RAB3C: variants seen among roughly 807,000 people sequenced by gnomAD.
RAB3C encodes ras-related protein Rab-3C.
In RAB3C, 17 loss-of-function variants were observed where a neutral mutation model predicts 26.4. That is an observed-to-expected ratio of 0.64 (90% confidence interval 0.44 to 0.97). RAB3C has a LOEUF of 0.97. Ranked by LOEUF, RAB3C falls within the 50% of genes least tolerant of loss-of-function variation. RAB3C has a pLI of 0.00. For synonymous variants in RAB3C, 91 were observed against 95.9 expected (o/e 0.95, Z 0.30); for missense variants, 242 against 281.9 (o/e 0.86, Z 1.01).
intron 3 of RAB3C, among the ~76,000 whole-genome samples, chr5:58,754,038 G>A (rs1354938757): frequency 6.6e-6 from 1 of 152,172 alleles, no homozygotes; most frequent in Admixed American, 6.5e-5. Context: ...GGAAGTCGGA[G>A]ACAGCAATAG....
chr5:58,597,742 TAATACATTATATATA>T (rs1746353898), intron 1 of RAB3C, among the ~76,000 whole-genome samples: 2 of 126,002 alleles, frequency 1.6e-5, no homozygotes, highest in African/African-American at 3.1e-5. Context: ...ATATAACATA[TAATACATTATATATA>T]AGTATATAAC....
intron 2 of RAB3C, among the ~76,000 whole-genome samples, chr5:58,644,655 G>A (rs1579834450): frequency 6.6e-6 from 1 of 152,214 alleles, no homozygotes; most frequent in East Asian, 1.9e-4. Flanking sequence ...CGAGAATCAA[G>A]AAGAAATGTT....
chr5:58,744,544 G>T (rs1482142361), intron 3 of RAB3C, among the ~76,000 whole-genome samples: 1 of 152,150 alleles, frequency 6.6e-6, no homozygotes, highest in South Asian at 2.1e-4. Context: ...AAAAGAAACC[G>T]CAGTGCATAT....
At chr5:58,585,292 A>G (rs1400899137) in intron 1 of RAB3C, among the ~76,000 whole-genome samples, 1 of 152,056 alleles carries the variant, frequency 6.6e-6, no homozygotes, top group Non-Finnish European at 1.5e-5. Context: ...TACTCTGAAT[A>G]TTTTAAAGTA....
At chr5:58,830,403 T>G (rs943300865) in intron 4 of RAB3C, among the ~76,000 whole-genome samples, 10 of 152,122 alleles carry the variant, frequency 6.6e-5, no homozygotes, top group Non-Finnish European at 1.2e-4. Flanking sequence ...CTGTGGGATA[T>G]TTCTGTGTCA....
At chr5:58,769,087 C>T (rs1017584733) in intron 3 of RAB3C, among the ~76,000 whole-genome samples, 19 of 151,362 alleles carry the variant, frequency 1.3e-4, no homozygotes, top group African/African-American at 4.4e-4. Flanking sequence ...ACAGGGGAGA[C>T]CAAGAAGAAC....
intron 2 of RAB3C, among the ~76,000 whole-genome samples, chr5:58,618,680 G>C (rs1200347675): frequency 6.6e-6 from 1 of 152,100 alleles, no homozygotes; most frequent in Admixed American, 6.6e-5. Flanking sequence ...TAAAAAAATT[G>C]TTACACCAAA....
chr5:58,833,418 C>T (rs901956447), intron 4 of RAB3C, among the ~76,000 whole-genome samples: 4 of 151,680 alleles, frequency 2.6e-5, no homozygotes, highest in Non-Finnish European at 4.4e-5. Flanking sequence ...GTTTTTAGCT[C>T]CTTAGGTGAT....
intron 2 of RAB3C, among the ~76,000 whole-genome samples, chr5:58,681,722 G>A (rs1323073367): frequency 1.3e-5 from 2 of 152,122 alleles, no homozygotes; most frequent in Admixed American, 6.5e-5. Flanking sequence ...GCCATAGCAT[G>A]GGACCTATAA....
At chr5:58,720,808 G>T (rs946342675) in intron 2 of RAB3C, among the ~76,000 whole-genome samples, 2 of 151,692 alleles carry the variant, frequency 1.3e-5, no homozygotes, top group Non-Finnish European at 2.9e-5. Context: ...TTTGATCGTG[G>T]TTATATTATT....
At chr5:58,687,632 T>C (rs751554690) in intron 2 of RAB3C, among the ~76,000 whole-genome samples, 8 of 152,066 alleles carry the variant, frequency 5.3e-5, no homozygotes, top group Non-Finnish European at 7.4e-5. Flanking sequence ...GTGGCATCAA[T>C]TGAGATACAA....
Position 58,617,803 on chromosome 5 carries a change from C to T in RAB3C, c.185C>T (p.Thr62Ile). 1 of 1,613,504 alleles carries T rather than the reference C, an allele frequency of 6.2e-7. No individual in the cohort carries two copies. Among genetic ancestry groups the T allele is most frequent in the Non-Finnish European group, 8.5e-7 (1 of 1,179,644 alleles). Residue 62 changes from threonine to isoleucine, a missense_variant, in exon 2 of 5, where the codon ACA becomes ATA. By Grantham distance (89) the Thr-to-Ile change is moderately conservative (BLOSUM62 -1). Coordinates refer to ENST00000282878, the MANE Select transcript of RAB3C (RefSeq NM_138453.4). Reference sequence around the variant, plus strand: ...TCCTTTACATCTGCATTCGTCAGCACAGTTGGGATCGATTTCAAAGTAAAA... The same window carrying T: ...TCCTTTACATCTGCATTCGTCAGCATAGTTGGGATCGATTTCAAAGTAAAA... ...DDSFTSAFVS[T>I]VGIDFKVKTV...
At chr5:58,735,339 A>AGCAT (rs2111936054) in intron 3 of RAB3C, among the ~76,000 whole-genome samples, 1 of 152,330 alleles carries the variant, frequency 6.6e-6, no homozygotes, top group African/African-American at 2.4e-5. Flanking sequence ...TATCCATGAA[A>AGCAT]GCATCATGGG....
At position 58,855,408 on chromosome 5, in the gene RAB3C, A is replaced by T. The variant is rs987988900; in HGVS notation, c.*4057A>T. 6.6e-6 allele frequency: 1 copy of T among 152,344 alleles called. No individual in the cohort carries two copies. Among genetic ancestry groups the T allele is most frequent in the Admixed American group, 6.5e-5 (1 of 15,308 alleles). The allele number at this position is 152,344 out of a possible 1,614,324, so 9.4% of individuals were successfully genotyped here. ...CAGAGCTGGCCTGTCCGTCTGAAGA[A>T]CCCTTTCTCTCACAATTACAGTTTG... On this transcript the variant is annotated 3_prime_UTR_variant, in exon 5 of 5. Transcript: ENST00000282878.
At chr5:58,677,680 T>C (rs767681066) in intron 2 of RAB3C, among the ~76,000 whole-genome samples, 16 of 152,222 alleles carry the variant, frequency 1.1e-4, no homozygotes, top group Non-Finnish European at 2.1e-4. Context: ...GGTAACTGAA[T>C]TGTTAAGTTT....
chr5:58,819,099 C>T lies in RAB3C; in HGVS notation c.372-5939C>T, dbSNP rs138540608. Among the ~76,000 whole-genome samples the T allele has an allele frequency of 2.5e-3, 387 of 152,316 alleles. 3 individuals are homozygous for T. The highest frequency in any genetic ancestry group is 8.4e-3 in the African/African-American group (348 of 41,566). On this transcript the variant is annotated intron_variant, in intron 3 of 4. Coordinates refer to ENST00000282878, the MANE Select transcript of RAB3C (RefSeq NM_138453.4). ...TGGATTTGGGAAGAGGAGCAGCTGG[C>T]TGCCCAAGAGGAGACTAATAATGTG...
intron 2 of RAB3C, among the ~76,000 whole-genome samples, chr5:58,697,794 C>T (rs926347375): frequency 6.6e-6 from 1 of 152,044 alleles, no homozygotes; most frequent in African/African-American, 2.4e-5. Context: ...TCCTCTATCC[C>T]TTTATTTTGA....
intron 1 of RAB3C, among the ~76,000 whole-genome samples, chr5:58,615,776 T>A (rs1746812055): frequency 6.6e-6 from 1 of 152,186 alleles, no homozygotes; most frequent in Admixed American, 6.6e-5. Flanking sequence ...AGCTTATGTT[T>A]AATAAGAAAA....
intron 2 of RAB3C, among the ~76,000 whole-genome samples, chr5:58,695,619 T>C (rs1241276930): frequency 1.3e-5 from 2 of 152,200 alleles, no homozygotes; most frequent in East Asian, 3.8e-4. Context: ...TTTGTAATTC[T>C]CCTTGAAGAG....
Sources: allele counts gnomAD v4.1 joint callset (sites outside exome capture counted in the v4.1 genomes callset), GRCh38; gene constraint gnomAD v4.1.1; transcripts MANE v1.5; gene names NCBI Gene and HGNC (gene_info 2026-07-23, HGNC 2026-07-21).